Variants in PAMR1 observed in about 807,000 individuals in gnomAD.
PAMR1 encodes peptidase domain containing associated with muscle regeneration 1, also known as inactive serine protease PAMR1.
Under a neutral mutation model 81.8 loss-of-function variants are expected in PAMR1, and 88 were observed. The ratio of observed to expected loss-of-function variants is 1.08; its 90% confidence interval spans 0.91 to 1.28. PAMR1 has a LOEUF of 1.28. Ranked by LOEUF, PAMR1 falls within the 50% of genes most tolerant of loss-of-function variation. The pLI is 0.00. For synonymous variants in PAMR1, 336 were observed against 345.3 expected (o/e 0.97, Z 0.30); for missense variants, 935 against 919.7 (o/e 1.02, Z -0.21).
At chr11:35,502,466 T>G (rs1426709675) in intron 1 of PAMR1, among the ~76,000 whole-genome samples, 1 of 152,062 alleles carries the variant, frequency 6.6e-6, no homozygotes, top group Non-Finnish European at 1.5e-5. Flanking sequence ...TGTGTCCATG[T>G]GTTGTCATTT....
At chr11:35,442,166 C>A (rs1212745639) in intron 6 of PAMR1, among the ~76,000 whole-genome samples, 1 of 152,254 alleles carries the variant, frequency 6.6e-6, no homozygotes, top group Non-Finnish European at 1.5e-5. Flanking sequence ...AGAGTACATA[C>A]ATAAAGTGAA....
chr11:35,485,969 G>A (rs1368367742), intron 3 of PAMR1, among the ~76,000 whole-genome samples: 1 of 152,242 alleles, frequency 6.6e-6, no homozygotes, highest in Non-Finnish European at 1.5e-5. Flanking sequence ...TAGGCAGGCA[G>A]CATAGTGCTC....
chr11:35,467,216 C>T (rs1856773160), intron 6 of PAMR1, among the ~76,000 whole-genome samples: 1 of 152,056 alleles, frequency 6.6e-6, no homozygotes, highest in African/African-American at 2.4e-5. Context: ...GAAATCGCAC[C>T]CCTACTTGGC....
At chr11:35,445,609 G>A (rs1274934169) in intron 6 of PAMR1, among the ~76,000 whole-genome samples, 1 of 151,990 alleles carries the variant, frequency 6.6e-6, no homozygotes, top group Non-Finnish European at 1.5e-5. Context: ...TTCATCTTTA[G>A]TTCTGTTTAT....
intron 1 of PAMR1, among the ~76,000 whole-genome samples, chr11:35,524,885 C>A (rs1393120812): frequency 6.6e-6 from 1 of 152,182 alleles, no homozygotes; most frequent in Non-Finnish European, 1.5e-5. Context: ...TCAAAACAAA[C>A]CCTATGCATC....
chr11:35,483,259 A>G (rs1850435476), intron 3 of PAMR1, among the ~76,000 whole-genome samples: 1 of 152,116 alleles, frequency 6.6e-6, no homozygotes, highest in East Asian at 1.9e-4. Context: ...TTTGATTTTC[A>G]TCTCCTCCTT....
intron 10 of PAMR1, 65 bp downstream of exon 10, chr11:35,434,447 G>A (rs947123103): frequency 2.0e-6 from 3 of 1,500,992 alleles, no homozygotes; most frequent in Non-Finnish European, 2.7e-6. Context: ...TATAATCACT[G>A]CTCTCCCGTG....
intron 5 of PAMR1, among the ~76,000 whole-genome samples, chr11:35,469,706 A>G (rs188634982): frequency 3.8e-4 from 58 of 152,366 alleles, no homozygotes; most frequent in Middle Eastern, 6.8e-3. Flanking sequence ...CTGATTATTC[A>G]GCCACCCACC....
intron 3 of PAMR1, among the ~76,000 whole-genome samples, chr11:35,475,578 A>G (rs549162034): frequency 6.6e-6 from 1 of 152,336 alleles, no homozygotes; most frequent in African/African-American, 2.4e-5. Flanking sequence ...TAGAAAATGC[A>G]CTGTATTTTT....
At chr11:35,473,744 T>G (rs1391814656) in intron 4 of PAMR1, among the ~76,000 whole-genome samples, 1 of 152,184 alleles carries the variant, frequency 6.6e-6, no homozygotes, top group East Asian at 1.9e-4. Context: ...GTAACCTCTG[T>G]GTCCATTTAG....
chr11:35,500,162 G>A (rs999247645), intron 1 of PAMR1, among the ~76,000 whole-genome samples: 16 of 152,280 alleles, frequency 1.1e-4, no homozygotes, highest in Admixed American at 3.9e-4. Flanking sequence ...TGACCTTCAC[G>A]GCTGGAAGGT....
At chr11:35,507,539 A>G (rs1380607405) in intron 1 of PAMR1, among the ~76,000 whole-genome samples, 2 of 152,160 alleles carry the variant, frequency 1.3e-5, no homozygotes, top group Non-Finnish European at 2.9e-5. Context: ...GTGTTATCTT[A>G]GCAATCACTG....
chr11:35,460,326 T>TA (rs201287874), intron 6 of PAMR1, among the ~76,000 whole-genome samples: 9 of 151,746 alleles, frequency 5.9e-5, no homozygotes, highest in Middle Eastern at 3.4e-3. Flanking sequence ...TTTTTTTTTT[T>TA]ATATACTTTT....
chr11:35,482,742 G>A (rs12421661), intron 3 of PAMR1, among the ~76,000 whole-genome samples: 45,503 of 152,036 alleles, frequency 0.3, 8,091 homozygotes, highest in Non-Finnish European at 0.4. Flanking sequence ...TCTTTAAGAG[G>A]TAGTTAATGT....
chr11:35,526,648 A>G (rs898941284), upstream of PAMR1, among the ~76,000 whole-genome samples: 1 of 152,232 alleles, frequency 6.6e-6, no homozygotes, highest in African/African-American at 2.4e-5. Context: ...TGAGGGGCAG[A>G]GCCAGGGTTT....
intron 5 of PAMR1, among the ~76,000 whole-genome samples, chr11:35,470,250 C>G (rs1271640752): frequency 6.6e-6 from 1 of 152,142 alleles, no homozygotes; most frequent in Non-Finnish European, 1.5e-5. Flanking sequence ...GGATTTAAAG[C>G]CAATGCTCCC....
At chr11:35,462,955 A>C (rs1301262623) in intron 6 of PAMR1, among the ~76,000 whole-genome samples, 1 of 152,208 alleles carries the variant, frequency 6.6e-6, no homozygotes, top group Non-Finnish European at 1.5e-5. Flanking sequence ...GAACTGTGAA[A>C]AAAGGCAGTA....
At chr11:35,441,375 A>T in intron 7 of PAMR1, 106 bp downstream of exon 7, 1 of 781,630 alleles carries the variant, frequency 1.3e-6, no homozygotes, top group Non-Finnish European at 2.2e-6. Context: ...AAAGGACTTA[A>T]AAGAGAAAGG....
intron 5 of PAMR1, 44 bp from the exon 6 acceptor site, chr11:35,468,152 C>T (rs770132959): frequency 2.3e-5 from 29 of 1,254,752 alleles, no homozygotes; most frequent in East Asian, 2.3e-4. Flanking sequence ...TACATTGAGT[C>T]GATGTCTTCA....
Sources: gnomAD v4.1 joint callset for allele counts (sites outside exome capture counted in the v4.1 genomes callset) on GRCh38, gnomAD v4.1.1 for gene constraint, MANE v1.5 for transcripts, NCBI Gene and HGNC (gene_info 2026-07-23, HGNC 2026-07-21) for gene names.